The following COP1 variants were observed in gnomAD, a reference collection of about 807,000 sequenced individuals.
COP1 encodes E3 ubiquitin-protein ligase COP1.
Under a neutral mutation model 101.3 loss-of-function variants are expected in COP1, and 24 were observed. That is an observed-to-expected ratio of 0.24 (90% CI 0.17 to 0.33). The LOEUF (loss-of-function observed/expected upper bound fraction) is 0.33. COP1 is among the 10% of genes least tolerant of loss of function. COP1 has a pLI of 1.00. For synonymous variants in COP1, 347 were observed against 341.9 expected (o/e 1.01, Z -0.17); for missense variants, 663 against 906.2 (o/e 0.73, Z 3.45).
At chr1:176,028,240 A>G (rs1435107436) in intron 14 of COP1, among the ~76,000 whole-genome samples, 1 of 152,158 alleles carries the variant, frequency 6.6e-6, no homozygotes, top group Non-Finnish European at 1.5e-5. Flanking sequence ...CATTAAAACC[A>G]AGAGAGCTTA....
At chr1:176,060,193 A>T (rs1674590066) in intron 11 of COP1, among the ~76,000 whole-genome samples, 1 of 152,218 alleles carries the variant, frequency 6.6e-6, no homozygotes, top group African/African-American at 2.4e-5. Flanking sequence ...TTACTTTCTT[A>T]TTCCCTCTGG....
At chr1:176,051,810 A>C (rs1672616195) in intron 11 of COP1, among the ~76,000 whole-genome samples, 1 of 152,180 alleles carries the variant, frequency 6.6e-6, no homozygotes, top group Admixed American at 6.5e-5. Flanking sequence ...AATAAAAAAA[A>C]TTAAAATTAA....
chr1:176,193,558 T>C (rs936493097), intron 1 of COP1, among the ~76,000 whole-genome samples: 7 of 152,148 alleles, frequency 4.6e-5, no homozygotes, highest in Non-Finnish European at 1.0e-4. Flanking sequence ...TAAAATGTTA[T>C]TTTAAAATAA....
intron 18 of COP1, among the ~76,000 whole-genome samples, chr1:175,978,211 A>T (rs1322186558): frequency 1.3e-5 from 2 of 152,218 alleles, no homozygotes; most frequent in East Asian, 3.8e-4. Flanking sequence ...TGGCATACAC[A>T]GAACACTCTT....
chr1:175,994,956 C>G (rs1267203210), intron 15 of COP1, among the ~76,000 whole-genome samples: 4 of 152,130 alleles, frequency 2.6e-5, no homozygotes, highest in Non-Finnish European at 4.4e-5. Flanking sequence ...TTTTCAGCAC[C>G]ACACAACACC....
chr1:175,996,425 G>A (rs947065446), intron 15 of COP1, among the ~76,000 whole-genome samples: 2 of 151,914 alleles, frequency 1.3e-5, no homozygotes, highest in Non-Finnish European at 2.9e-5. Context: ...AGGAAATAAA[G>A]GGTATTCAAT....
chr1:176,121,804 T>C (rs1421629703), intron 8 of COP1, among the ~76,000 whole-genome samples: 1 of 152,060 alleles, frequency 6.6e-6, no homozygotes, highest in Admixed American at 6.6e-5. Flanking sequence ...TAAATGTCAG[T>C]GATGACAATG....
intron 8 of COP1, among the ~76,000 whole-genome samples, chr1:176,132,036 C>G (rs188612415): frequency 6.6e-6 from 1 of 151,420 alleles, no homozygotes; most frequent in Non-Finnish European, 1.5e-5. Flanking sequence ...AGATCTGCTA[C>G]TTTATTTTAC....
intron 10 of COP1, among the ~76,000 whole-genome samples, 164 bp from the exon 11 acceptor site, chr1:176,081,451 T>C (rs576954402): frequency 3.5e-4 from 53 of 152,200 alleles, no homozygotes; most frequent in African/African-American, 1.2e-3. Flanking sequence ...AGTTTTTCAG[T>C]TTTAATAAAA....
intron 9 of COP1, among the ~76,000 whole-genome samples, chr1:176,101,817 G>A (rs1246082332): frequency 6.6e-6 from 1 of 152,088 alleles, no homozygotes; most frequent in Non-Finnish European, 1.5e-5. Context: ...CCTTTTGATG[G>A]GACCCTTAGA....
At chr1:175,946,945 T>G (rs1649249050) in intron 19 of COP1, among the ~76,000 whole-genome samples, 1 of 152,176 alleles carries the variant, frequency 6.6e-6, no homozygotes, top group Non-Finnish European at 1.5e-5. Context: ...TGTTCACTAG[T>G]CTTTATCTGT....
Position 176,046,278 on chromosome 1 carries a change from T to C in COP1, c.1324A>G (p.Thr442Ala). Residue 442 changes from threonine to alanine, a missense_variant, in exon 12 of 20, where the codon ACA becomes GCA. Physicochemically the swap from Thr to Ala is moderately conservative, Grantham distance 58. Transcript: ENST00000367669. ...DCDYFAIAGV[T>A]KKIKVYEYDT... ...TATTCATAGACTTTAATCTTCTTTG[T>C]AACTCCAGCAATCGCAAAATAGTCA... 2 of 1,611,680 alleles carry C rather than the reference T, an allele frequency of 1.2e-6. No homozygotes were observed. The highest frequency in any genetic ancestry group is 1.7e-6 in the Non-Finnish European group (2 of 1,179,000).
chr1:175,980,224 C>G (rs1382341853), intron 18 of COP1, among the ~76,000 whole-genome samples: 1 of 137,184 alleles, frequency 7.3e-6, no homozygotes, highest in Non-Finnish European at 1.7e-5. Flanking sequence ...TCTGCTCTTA[C>G]TCAAAATACT....
At chr1:176,007,938 C>G (rs905137394) in intron 15 of COP1, among the ~76,000 whole-genome samples, 1 of 152,226 alleles carries the variant, frequency 6.6e-6, no homozygotes, top group African/African-American at 2.4e-5. Context: ...CGCCCCTCCC[C>G]CAGCCTCGCT....
rs1337346574 is a variant in COP1, at chr1:176,135,062, C to T, written c.916G>A (p.Val306Ile). 6.2e-7 allele frequency: 1 copy of T among 1,609,002 alleles called. No individual in the cohort carries two copies. Among genetic ancestry groups the T allele is most frequent in the East Asian group, 2.2e-5 (1 of 44,778 alleles). The change falls in exon 8 of 20, where the codon GTC (valine) becomes ATC (isoleucine). Residue 306 changes from valine to isoleucine, a missense_variant. Val to Ile is a conservative substitution (Grantham distance 29). Transcript: ENST00000367669. ...VEEMSGLYSP[V>I]SEDSTVPQFE... ...TGAGGCACTGTGCTATCCTCACTGA[C>T]AGGAGAGTATAAGCCACTCATTTCC...
intron 8 of COP1, among the ~76,000 whole-genome samples, chr1:176,127,779 C>T (rs1688263505): frequency 6.6e-6 from 1 of 152,088 alleles, no homozygotes; most frequent in Admixed American, 6.6e-5. Flanking sequence ...ATTGCAGGAT[C>T]GTATGGTAGT....
intron 5 of COP1, among the ~76,000 whole-genome samples, chr1:176,150,590 G>A (rs935343323): frequency 4.6e-5 from 7 of 152,152 alleles, no homozygotes; most frequent in Admixed American, 2.0e-4. Context: ...TATTTGTCTA[G>A]AGGACAAAGA....
At chr1:176,148,703 T>G (rs1263908461) in intron 6 of COP1, among the ~76,000 whole-genome samples, 2 of 152,162 alleles carry the variant, frequency 1.3e-5, no homozygotes, top group Non-Finnish European at 2.9e-5. Flanking sequence ...CTAAGTTTTC[T>G]CCTCATGGTG....
At chr1:176,057,890 G>A (rs918357803) in intron 11 of COP1, among the ~76,000 whole-genome samples, 6 of 151,910 alleles carry the variant, frequency 3.9e-5, no homozygotes, top group African/African-American at 1.2e-4. Context: ...AGGAAGTGAG[G>A]AGCGTCTCTG....
Sources: gnomAD v4.1 joint callset for allele counts (sites outside exome capture counted in the v4.1 genomes callset) on GRCh38, gnomAD v4.1.1 for gene constraint, MANE v1.5 for transcripts, NCBI Gene and HGNC (gene_info 2026-07-23, HGNC 2026-07-21) for gene names.